Variants in POLE observed in about 807,000 individuals in gnomAD.
The protein encoded by POLE is DNA polymerase epsilon catalytic subunit A.
POLE carries 188 observed loss-of-function variants against 279.2 expected under a neutral mutation model. The observed-to-expected ratio is 0.67, with a 90% CI of 0.60 to 0.76. POLE has a LOEUF of 0.76. POLE is among the 30% of genes least tolerant of loss of function. The pLI, the probability that POLE is intolerant of heterozygous loss-of-function variation, is 0.00. For missense variants in POLE, 2,703 were observed against 3,016.7 expected (o/e 0.90, Z 2.44); for synonymous variants, 1,214 against 1,172.5 (o/e 1.04, Z -0.72).
chr12:132,646,900 C>T (rs867792924), intron 32 of POLE, among the ~76,000 whole-genome samples: 2 of 152,016 alleles, frequency 1.3e-5, no homozygotes, highest in African/African-American at 2.4e-5. Flanking sequence ...GGTTTTGCCA[C>T]GTTGCCCAGG....
Position 132,649,430 on chromosome 12 carries a change from C to A in POLE, c.3881G>T (p.Arg1294Leu), listed in dbSNP as rs115455318. 8 of 1,612,914 alleles carry A rather than the reference C, an allele frequency of 5.0e-6. No homozygotes were observed. Among genetic ancestry groups the A allele is most frequent in the Non-Finnish European group, 6.8e-6 (8 of 1,180,026 alleles). The change falls in exon 31 of 49, where the codon CGT becomes CTT. Residue 1294 changes from arginine (R) to leucine (L), a missense_variant. Around this residue, in one of 5 missense-constraint regions of POLE, gnomAD observed 1,551 missense variants for 1,686.1 expected, o/e 0.92. Transcript: ENST00000320574. ...GAGCACACCCTCTGCCGACTCCAGA[C>A]GCTGCCTCTTCCTGCGGGCGAGGCG... ...RQRLARRKRQRLESAEGVLRP... is the reference protein window; with the variant it reads ...RQRLARRKRQLLESAEGVLRP...
chr12:132,669,438 TG>T (rs754505245), intron 16 of POLE, among the ~76,000 whole-genome samples: 105 of 150,972 alleles, frequency 7.0e-4, no homozygotes, highest in Non-Finnish European at 1.3e-3. Context: ...CACTCCAGCC[TG>T]GGCAACAGAG....
At chr12:132,659,685 A>G (rs1030743179) in intron 25 of POLE, 176 bp from the exon 26 acceptor site, 5 of 598,640 alleles carry the variant, frequency 8.4e-6, no homozygotes, top group Admixed American at 6.0e-5. Flanking sequence ...ACACACACAC[A>G]AAACTTTAGC....
rs749493241 is a variant in POLE at position 132,643,573 on chromosome 12, G to A, written c.4291-13C>T. ...ACAGTAACGGAACCTGGAAGAATCG[G>A]GCAGACAGGCCGGCAAGGGCTGGAT... On this transcript the variant is annotated splice_polypyrimidine_tract_variant and intron_variant, in intron 33 of 48. Coordinates refer to ENST00000320574, the MANE Select transcript of POLE (RefSeq NM_006231.4). The A allele has an allele frequency of 1.2e-6, 2 of 1,613,916 alleles. No individual in the cohort carries two copies. The highest frequency in any genetic ancestry group is 1.7e-6 in the Non-Finnish European group (2 of 1,179,984).
rs1211850049 is a variant in POLE at position 132,657,443 on chromosome 12, A to T, written c.3379-14T>A. 1 of 1,612,928 alleles carries T rather than the reference A, an allele frequency of 6.2e-7. No individual in the cohort carries two copies. The highest frequency in any genetic ancestry group is 1.3e-5 in the African/African-American group (1 of 74,914). ...CCAATCCAGAATCTGCATGTGCAGG[A>T]AACGGGCACAGAGAACAGCAGGTGG... is the stretch of plus-strand genomic sequence containing the variant. On this transcript the variant is annotated splice_polypyrimidine_tract_variant and intron_variant, in intron 27 of 48. Transcript: ENST00000320574.
chr12:132,643,562 TG>T lies in POLE; in HGVS notation c.4291-3del, dbSNP rs1060500805. On this transcript the variant is annotated splice_region_variant and splice_polypyrimidine_tract_variant and intron_variant, in intron 33 of 48. Transcript: ENST00000320574. The stretch of plus-strand genomic sequence containing the variant: ...CAGGGCCCGGAACAGTAACGGAACC[TG>T]GAAGAATCGGGCAGACAGGCCGGCA... The T allele has an allele frequency of 6.8e-6, 11 of 1,613,982 alleles. No homozygotes were observed. The highest frequency in any genetic ancestry group is 9.3e-6 in the Non-Finnish European group (11 of 1,180,000).
rs1060500889 is a variant in POLE, at chr12:132,680,663, G to A, written c.229C>T (p.Arg77Cys). 18 of 1,613,596 alleles carry A rather than the reference G, an allele frequency of 1.1e-5. No homozygotes were observed. The highest frequency in any genetic ancestry group is 5.5e-5 in the South Asian group (5 of 91,070). The change falls in exon 3 of 49, where the codon CGC (arginine) becomes TGC (cysteine). Residue 77 changes from arginine to cysteine, a missense_variant. Arg to Cys is a radical substitution (Grantham distance 180). This residue lies in a region of POLE where 1,011 missense variants were observed against 1,111.7 expected (regional missense o/e 0.91). Transcript: ENST00000320574. ...TAGTAATCCACTGCACTGCCTAAGC[G>A]CTTATCTTCATCTAAAATCTCGGTC... Reference protein sequence around the residue: ...HPTEILDEDKRLGSAVDYYFI... With the variant: ...HPTEILDEDKCLGSAVDYYFI...
intron 43 of POLE, chr12:132,633,042 A>C: frequency 2.4e-6 from 1 of 422,930 alleles, no homozygotes; most frequent in South Asian, 3.9e-5. Flanking sequence ...GGGGCCATGT[A>C]CACTAAGCCT....
chr12:132,672,419 C>T (rs1409432131), intron 15 of POLE, 97 bp from the exon 16 acceptor site: 29 of 1,176,070 alleles, frequency 2.5e-5, no homozygotes, highest in East Asian at 9.4e-5. Flanking sequence ...AGGTTGTGCC[C>T]GAGAAAGCTC....
chr12:132,686,977 G>A (rs1038146599), intron 1 of POLE, among the ~76,000 whole-genome samples: 14 of 151,514 alleles, frequency 9.2e-5, no homozygotes, highest in African/African-American at 3.4e-4. Flanking sequence ...CAGCTGCGCG[G>A]AAGGCGAGGC....
Position 132,675,988 on chromosome 12 carries a change from C to T in POLE, c.1020+106G>A, listed in dbSNP as rs963955720. ...ACGGTCATACCCTGAGAACAAAGCT[C>T]ATGGAGCTGCAATTCTGATCTGACG... On this transcript the variant is annotated intron_variant, in intron 10 of 48. Coordinates refer to ENST00000320574, the MANE Select transcript of POLE (RefSeq NM_006231.4). This position sits in a 1 kb window ranked among gnomAD's most constrained non-coding sequence, Gnocchi z 4.3. 16 of 934,854 alleles carry T rather than the reference C, an allele frequency of 1.7e-5. No homozygotes were observed. In the African/African-American group the frequency reaches 2.5e-4, roughly 14 times the overall value. 57.9% of individuals were successfully genotyped at this position (934,854 alleles called of 1,614,324 possible). A position where few individuals can be genotyped will look rare whatever the true frequency, so the allele number is the denominator to read the frequency against.
Position 132,675,288 on chromosome 12 carries a change from T to C in POLE, c.1226+110A>G. ...CTCTTGGGTGACCTGAAACGGCCTCTCGGAGGCCACCCTCCTCCCATGAGA... is the reference window on the plus strand; with the variant it reads ...CTCTTGGGTGACCTGAAACGGCCTCCCGGAGGCCACCCTCCTCCCATGAGA... On this transcript the variant is annotated intron_variant, in intron 12 of 48. Coordinates refer to ENST00000320574, the MANE Select transcript of POLE (RefSeq NM_006231.4). This position sits in a 1 kb window ranked among gnomAD's most constrained non-coding sequence, Gnocchi z 4.3. 1.4e-6 allele frequency: 2 copies of C among 1,428,208 alleles called. No individual in the cohort carries two copies. The highest frequency in any genetic ancestry group is 1.4e-5 in the African/African-American group (1 of 70,582). The allele number at this position is 1,428,208 out of a possible 1,614,324, so 88.5% of individuals were successfully genotyped here. A position where few individuals can be genotyped will look rare whatever the true frequency, so the allele number is the denominator to read the frequency against.
At chr12:132,629,919 C>A (rs892615035) in intron 45 of POLE, among the ~76,000 whole-genome samples, 4 of 152,190 alleles carry the variant, frequency 2.6e-5, no homozygotes, top group African/African-American at 9.7e-5. Flanking sequence ...CTCTTCCTTT[C>A]ACTTGAACAC....
rs1060500866 is a variant in POLE, at chr12:132,642,176, C to A, written c.5173+1G>T. Reference sequence around the variant, plus strand: ...TGGGCCTCGTCCTCCCGCCCACTTACCTGTGGAGTAACAGCCTGAACTGTT... The same window carrying A: ...TGGGCCTCGTCCTCCCGCCCACTTAACTGTGGAGTAACAGCCTGAACTGTT... On this transcript the variant is annotated splice_donor_variant, in intron 38 of 48. Transcript: ENST00000320574. LOFTEE classifies it high-confidence loss of function. 5 of 1,550,396 alleles carry A rather than the reference C, an allele frequency of 3.2e-6. No individual in the cohort carries two copies. The highest frequency in any genetic ancestry group is 1.9e-4 in the Middle Eastern group (1 of 5,246).
intron 1 of POLE, among the ~76,000 whole-genome samples, chr12:132,686,923 T>A (rs1023436374): frequency 7.7e-6 from 1 of 130,106 alleles, no homozygotes; most frequent in East Asian, 2.8e-4. Flanking sequence ...CTGGCCCGGG[T>A]CCCGCCGCTC....
intron 1 of POLE, among the ~76,000 whole-genome samples, chr12:132,686,401 C>T (rs936345931): frequency 6.6e-6 from 1 of 152,032 alleles, no homozygotes; most frequent in African/African-American, 2.4e-5. Context: ...TAGCTGGGAC[C>T]TCGGGCGCGC....
chr12:132,657,516 A>G, intron 27 of POLE, 87 bp from the exon 28 acceptor site: 1 of 1,081,358 alleles, frequency 9.2e-7, no homozygotes, highest in Non-Finnish European at 1.4e-6. Flanking sequence ...AGGGCTAACC[A>G]CTGTGTCTTA....
chr12:132,625,173 G>A (rs376036874), intron 47 of POLE, 179 bp from the exon 48 acceptor site: 23 of 681,344 alleles, frequency 3.4e-5, no homozygotes, highest in Admixed American at 1.4e-4. Flanking sequence ...CGGTGCCAGC[G>A]CCTTCCCTAC....
rs957066515 is a variant in POLE at position 132,672,589 on chromosome 12, A to C, written c.1686+38T>G. 9 of 1,593,590 alleles carry C rather than the reference A, an allele frequency of 5.6e-6. No individual in the cohort carries two copies. The highest frequency in any genetic ancestry group is 7.7e-6 in the Non-Finnish European group (9 of 1,162,376). On this transcript the variant is annotated intron_variant, in intron 15 of 48. Coordinates refer to ENST00000320574, the MANE Select transcript of POLE (RefSeq NM_006231.4). ...AGCTTCTGGGTCCTACCACAGCACA[A>C]GAGTGGGAAGAATCTGAATCCCAGG...
Sources: allele counts gnomAD v4.1 joint callset (sites outside exome capture counted in the v4.1 genomes callset), GRCh38; gene constraint gnomAD v4.1.1; regional missense constraint gnomAD v4.1.1; non-coding constraint Gnocchi (gnomAD v3.1); transcripts MANE v1.5; gene names NCBI Gene and HGNC (gene_info 2026-07-23, HGNC 2026-07-21).